XRRA1: variants seen among roughly 807,000 people sequenced by gnomAD.
XRRA1 encodes the protein X-ray radiation resistance associated 1.
A neutral mutation model predicts 80.2 loss-of-function variants in XRRA1; 69 were observed. That is an observed-to-expected ratio of 0.86 (90% CI 0.71 to 1.05). The LOEUF (loss-of-function observed/expected upper bound fraction) is 1.05, where lower values mean the gene tolerates loss of function less well. XRRA1 is among the 50% of genes least tolerant of loss of function. The probability of loss-of-function intolerance (pLI) is 0.00; values close to 1 mark genes in which losing one functional copy is unlikely to be tolerated. For missense variants in XRRA1, 967 were observed against 976.4 expected (o/e 0.99, Z 0.13); for synonymous variants, 348 against 389.9 (o/e 0.89, Z 1.27).
chr11:74,890,264 A>G (rs184870180), intron 10 of XRRA1, among the ~76,000 whole-genome samples: 3,732 of 152,304 alleles, frequency 0.025, 161 homozygotes, highest in African/African-American at 0.085. Flanking sequence ...AACCCGCTCA[A>G]CTACATGGAA....
chr11:74,932,467 A>G (rs1214430495), intron 5 of XRRA1, among the ~76,000 whole-genome samples: 1 of 152,142 alleles, frequency 6.6e-6, no homozygotes, highest in Admixed American at 6.5e-5. Flanking sequence ...CTACTGGACT[A>G]TATGCTCCAG....
intron 12 of XRRA1, among the ~76,000 whole-genome samples, chr11:74,855,613 A>G (rs1169240521): frequency 6.6e-6 from 1 of 152,208 alleles, no homozygotes; most frequent in Non-Finnish European, 1.5e-5. Flanking sequence ...CATTGGATTA[A>G]GGAGAGTGTA....
At chr11:74,861,848 G>C (rs2042376484) in intron 11 of XRRA1, among the ~76,000 whole-genome samples, 1 of 152,162 alleles carries the variant, frequency 6.6e-6, no homozygotes, top group African/African-American at 2.4e-5. Context: ...ATCACCAGTT[G>C]GTCAAAGTGT....
intron 10 of XRRA1, among the ~76,000 whole-genome samples, chr11:74,897,950 C>T (rs2052744861): frequency 6.6e-6 from 1 of 152,182 alleles, no homozygotes; most frequent in East Asian, 1.9e-4. Context: ...ACTAAGCACA[C>T]AGAAAAACAC....
intron 3 of XRRA1, among the ~76,000 whole-genome samples, chr11:74,937,632 C>G (rs930151979): frequency 3.3e-5 from 5 of 151,814 alleles, no homozygotes; most frequent in Admixed American, 6.6e-5. Flanking sequence ...TAATACATGT[C>G]TACTGTAGAA....
At chr11:74,909,050 T>G (rs2055277814) in intron 8 of XRRA1, among the ~76,000 whole-genome samples, 1 of 152,148 alleles carries the variant, frequency 6.6e-6, no homozygotes, top group African/African-American at 2.4e-5. Flanking sequence ...GGCTGTGAGA[T>G]TCCCCAATGT....
Position 74,906,463 on chromosome 11 carries a change from T to A in XRRA1, c.786-7A>T. The A allele has an allele frequency of 6.2e-7, 1 of 1,613,456 alleles. No individual in the cohort carries two copies. The highest frequency in any genetic ancestry group is 8.5e-7 in the Non-Finnish European group (1 of 1,179,656). On this transcript the variant is annotated splice_polypyrimidine_tract_variant and splice_region_variant and intron_variant, in intron 9 of 18. Coordinates refer to ENST00000684022, the MANE Select transcript of XRRA1 (RefSeq NM_001378157.1). ...CAAGCTTAACTTCTTCAGTCTTCAA[T>A]TAAGGAAAGTGAATATAGAATCATA...
At position 74,907,385 on chromosome 11, in the gene XRRA1, C is replaced by T. The variant is rs555584252; in HGVS notation, c.657-112G>A. The stretch of plus-strand genomic sequence containing the variant: ...TTAGGAGGACTAACCAGCTTAGGAA[C>T]GGTTCTAGTGCCCAAAAGAGGTCCC... On this transcript the variant is annotated intron_variant, in intron 8 of 18. Transcript: ENST00000684022. 184 of 1,424,330 alleles carry T rather than the reference C, an allele frequency of 1.3e-4. No individual in the cohort carries two copies. In the East Asian group the frequency reaches 4.0e-3, roughly 31 times the overall value. The allele number at this position is 1,424,330 out of a possible 1,614,324, so 88.2% of individuals were successfully genotyped here.
intron 15 of XRRA1, 23 bp downstream of exon 15, chr11:74,848,092 C>G (rs1412918280): frequency 1.3e-6 from 2 of 1,588,170 alleles, no homozygotes; most frequent in Non-Finnish European, 1.7e-6. Flanking sequence ...AACAAGTGGG[C>G]AGGGGCAGCT....
At chr11:74,850,051 T>G (rs997497189) in intron 14 of XRRA1, among the ~76,000 whole-genome samples, 1 of 152,218 alleles carries the variant, frequency 6.6e-6, no homozygotes, top group Admixed American at 6.5e-5. Flanking sequence ...AAGCATTGAT[T>G]TGTTTCTCAT....
chr11:74,909,029 C>T (rs1189246677), intron 8 of XRRA1, among the ~76,000 whole-genome samples: 2 of 152,152 alleles, frequency 1.3e-5, no homozygotes, highest in Admixed American at 1.3e-4. Context: ...TTCAGCATGA[C>T]CCTCAGGCAC....
chr11:74,918,325 T>C (rs940435354), intron 8 of XRRA1, among the ~76,000 whole-genome samples: 3 of 151,214 alleles, frequency 2.0e-5, no homozygotes, highest in East Asian at 1.9e-4. Flanking sequence ...TGTGTGTGTG[T>C]GCACTCGCAT....
At chr11:74,920,094 C>T (rs1335162847) in intron 8 of XRRA1, 1 of 165,100 alleles carries the variant, frequency 6.1e-6, no homozygotes, top group Non-Finnish European at 1.3e-5. Context: ...CTAACAGAAG[C>T]TGCACACATG....
chr11:74,948,568 T>G (rs78502001), intron 1 of XRRA1, among the ~76,000 whole-genome samples: 3,458 of 152,286 alleles, frequency 0.023, 148 homozygotes, highest in African/African-American at 0.079. Context: ...TATATTGGTT[T>G]TGATTTTTTT....
intron 11 of XRRA1, among the ~76,000 whole-genome samples, chr11:74,862,702 AT>A (rs990937899): frequency 6.6e-6 from 1 of 152,240 alleles, no homozygotes; most frequent in African/African-American, 2.4e-5. Flanking sequence ...GCTAAACAGC[AT>A]GTGAGAACAA....
At chr11:74,910,379 TC>T (rs1337000995) in intron 8 of XRRA1, among the ~76,000 whole-genome samples, 1 of 152,182 alleles carries the variant, frequency 6.6e-6, no homozygotes, top group Non-Finnish European at 1.5e-5. Context: ...ACTTGTATGG[TC>T]TGAAGCAGAA....
chr11:74,848,830 G>A (rs76024053), intron 14 of XRRA1, among the ~76,000 whole-genome samples: 3,228 of 152,292 alleles, frequency 0.021, 110 homozygotes, highest in African/African-American at 0.074. Flanking sequence ...ACGTACTCTG[G>A]CCCTCAGTAG....
In XRRA1 at chr11:74,848,459, T is replaced by C. The variant is rs777280326; in HGVS notation, c.1384A>G (p.Lys462Glu). ...LMSRKESWKV[K>E]SEIPKVPKQP... Reference sequence around the variant, plus strand: ...TTCGGCACCTTTGGGATTTCGCTTTTCACCTGTCATGGAGAAGGGCCAGAA... The same window carrying C: ...TTCGGCACCTTTGGGATTTCGCTTTCCACCTGTCATGGAGAAGGGCCAGAA... Residue 462 changes from lysine to glutamate, a missense_variant, in exon 15 of 19, where the codon AAA becomes GAA. By Grantham distance (56) the Lys-to-Glu change is moderately conservative (BLOSUM62 1). Coordinates refer to ENST00000684022, the MANE Select transcript of XRRA1 (RefSeq NM_001378157.1). The C allele has an allele frequency of 6.2e-7, 1 of 1,604,848 alleles. No homozygotes were observed. The highest frequency in any genetic ancestry group is 2.2e-5 in the East Asian group (1 of 44,662).
Position 74,845,183 on chromosome 11 carries a change from T to C in XRRA1, c.1817A>G (p.Glu606Gly). The stretch of plus-strand genomic sequence containing the variant: ...GAGTTTCCTCCGAGTCCCTTTCACC[T>C]CTCTGGGTGCCGTTGGTGGTTTCTT... ...DQKKPPTAPR[E>G]VKGTRRKLPT... Residue 606 changes from glutamate (E) to glycine (G), a missense_variant, in exon 16 of 19, where the codon GAG becomes GGG. Transcript: ENST00000684022. The C allele has an allele frequency of 6.2e-7, 1 of 1,614,054 alleles. No individual in the cohort carries two copies. The highest frequency in any genetic ancestry group is 8.5e-7 in the Non-Finnish European group (1 of 1,179,892).
Sources: allele counts gnomAD v4.1 joint callset (sites outside exome capture counted in the v4.1 genomes callset), GRCh38; gene constraint gnomAD v4.1.1; transcripts MANE v1.5; gene names NCBI Gene and HGNC (gene_info 2026-07-23, HGNC 2026-07-21).